The following TESK2 variants were observed in gnomAD, a reference collection of about 807,000 sequenced individuals.
TESK2 encodes testis associated actin remodelling kinase 2.
In TESK2, 39 loss-of-function variants were observed where a neutral mutation model predicts 57.1. The observed-to-expected ratio is 0.68, with a 90% CI of 0.53 to 0.89. The LOEUF (loss-of-function observed/expected upper bound fraction) is 0.89. Among genes scored for constraint, TESK2 ranks in the 40% least tolerant of loss-of-function variants. TESK2 has a pLI of 0.00. For missense variants in TESK2, 646 were observed against 732.1 expected (o/e 0.88, Z 1.36); for synonymous variants, 249 against 267.9 (o/e 0.93, Z 0.69).
chr1:45,398,771 A>T (rs541179247), intron 3 of TESK2: 9 of 301,702 alleles, frequency 3.0e-5, no homozygotes, highest in Non-Finnish European at 5.9e-5. Context: ...GTTGGTTAAG[A>T]CTGTAACACT....
intron 3 of TESK2, among the ~76,000 whole-genome samples, chr1:45,407,086 AATT>A (rs1649876249): frequency 1.3e-5 from 2 of 152,174 alleles, no homozygotes; most frequent in South Asian, 2.1e-4. Flanking sequence ...ACATCGTTAA[AATT>A]ATTATTATTT....
At chr1:45,405,784 T>C (rs1379071421) in intron 3 of TESK2, among the ~76,000 whole-genome samples, 2 of 151,672 alleles carry the variant, frequency 1.3e-5, no homozygotes, top group Admixed American at 6.6e-5. Context: ...GGTGGGAGGA[T>C]GATTTTAGCC....
intron 5 of TESK2, among the ~76,000 whole-genome samples, chr1:45,348,581 T>C (rs1438328662): frequency 6.6e-6 from 1 of 152,236 alleles, no homozygotes; most frequent in East Asian, 1.9e-4. Flanking sequence ...TATGCACATA[T>C]CCTCATCCAA....
At chr1:45,486,782 T>TACACGCACAC (rs1553160297) in intron 1 of TESK2, among the ~76,000 whole-genome samples, 2 of 115,868 alleles carry the variant, frequency 1.7e-5, no homozygotes, top group Non-Finnish European at 3.3e-5. Context: ...CCTCCCAGCA[T>TACACGCACAC]ACACACACAC....
intron 1 of TESK2, among the ~76,000 whole-genome samples, chr1:45,477,270 G>T (rs1229078895): frequency 2.0e-5 from 3 of 151,464 alleles, no homozygotes; most frequent in Non-Finnish European, 4.4e-5. Context: ...AAATACAAAA[G>T]ATATAGTCAT....
intron 3 of TESK2, among the ~76,000 whole-genome samples, chr1:45,390,077 C>T (rs1649072701): frequency 1.3e-5 from 2 of 152,064 alleles, no homozygotes; most frequent in South Asian, 4.1e-4. Flanking sequence ...TCCACCTGTC[C>T]TTTTCCTCTG....
chr1:45,361,862 G>C (rs866476030), intron 4 of TESK2, among the ~76,000 whole-genome samples: 104 of 152,116 alleles, frequency 6.8e-4, no homozygotes, highest in African/African-American at 2.4e-3. Context: ...TCTTGGCCAG[G>C]CACAGTGGCT....
chr1:45,383,382 C>T (rs1648738726), intron 4 of TESK2, among the ~76,000 whole-genome samples: 1 of 152,132 alleles, frequency 6.6e-6, no homozygotes. Flanking sequence ...TTCATCACTA[C>T]CAGTCTATTA....
chr1:45,465,528 GAAAA>G (rs1485565291), intron 1 of TESK2, among the ~76,000 whole-genome samples: 3 of 151,842 alleles, frequency 2.0e-5, no homozygotes, highest in Non-Finnish European at 2.9e-5. Context: ...AAGAAAAAGA[GAAAA>G]AGAAAGAAAG....
At chr1:45,390,794 G>A (rs1292810638) in intron 3 of TESK2, among the ~76,000 whole-genome samples, 6 of 151,290 alleles carry the variant, frequency 4.0e-5, no homozygotes, top group South Asian at 2.1e-4. Context: ...TTATCATAGC[G>A]ATAGGGTCTC....
intron 4 of TESK2, among the ~76,000 whole-genome samples, chr1:45,384,233 C>G (rs1022163528): frequency 6.6e-6 from 1 of 152,194 alleles, no homozygotes; most frequent in Non-Finnish European, 1.5e-5. Flanking sequence ...GGTTTTCTAC[C>G]TACCTCACTA....
intron 1 of TESK2, among the ~76,000 whole-genome samples, chr1:45,465,451 T>TGGAAGGAAGGAAGGAA (rs61097907): frequency 9.6e-6 from 1 of 104,434 alleles, no homozygotes; most frequent in African/African-American, 3.4e-5. Flanking sequence ...AGAAAAGAGA[T>TGGAAGGAAGGAAGGAA]GGAAGGAAGG....
chr1:45,351,561 C>CT (rs1234541999), intron 5 of TESK2, among the ~76,000 whole-genome samples: 1 of 152,244 alleles, frequency 6.6e-6, no homozygotes, highest in Non-Finnish European at 1.5e-5. Flanking sequence ...GCATCTTCTT[C>CT]TCTCTGTCCT....
chr1:45,393,864 G>A (rs1199256754), intron 3 of TESK2, among the ~76,000 whole-genome samples: 4 of 151,992 alleles, frequency 2.6e-5, no homozygotes, highest in Admixed American at 6.6e-5. Flanking sequence ...AGAAAAGCAC[G>A]TAACATCAAC....
intron 4 of TESK2, among the ~76,000 whole-genome samples, chr1:45,376,425 G>T (rs1648430526): frequency 6.6e-6 from 1 of 151,150 alleles, no homozygotes; most frequent in Non-Finnish European, 1.5e-5. Flanking sequence ...CACCATGTTG[G>T]CCAGGCTGGT....
At chr1:45,451,023 T>C (rs1243800673) in intron 2 of TESK2, among the ~76,000 whole-genome samples, 6 of 152,146 alleles carry the variant, frequency 3.9e-5, no homozygotes, top group Non-Finnish European at 7.3e-5. Flanking sequence ...GAGAAAATAC[T>C]TGCAACATAC....
rs57487177 is a variant in TESK2 at position 45,369,099 on chromosome 1, G to C, written c.394-13650C>G. Among the ~76,000 whole-genome samples the C allele has an allele frequency of 7.3e-3, 1,114 of 152,222 alleles. 14 individuals are homozygous for C. The highest frequency in any genetic ancestry group is 0.025 in the African/African-American group (1,048 of 41,520). Reference sequence around the variant, plus strand: ...CCTATGATTATTCAACTAGTAAATAGTACAGCTTGGATTTGTATCCAAGCC... The same window carrying C: ...CCTATGATTATTCAACTAGTAAATACTACAGCTTGGATTTGTATCCAAGCC... On this transcript the variant is annotated intron_variant, in intron 4 of 10. Transcript: ENST00000372086.
chr1:45,395,688 C>T (rs1649328954), intron 3 of TESK2, among the ~76,000 whole-genome samples: 1 of 151,034 alleles, frequency 6.6e-6, no homozygotes, highest in South Asian at 2.1e-4. Flanking sequence ...CTCACTGCAA[C>T]CTTGAACTCC....
chr1:45,384,593 A>ATTTTTTTTTTATTTTTT (rs1648803081), intron 4 of TESK2, among the ~76,000 whole-genome samples: 1 of 70,862 alleles, frequency 1.4e-5, no homozygotes, highest in Non-Finnish European at 2.7e-5. Flanking sequence ...CTAATTATTA[A>ATTTTTTTTTTATTTTTT]TTTTTTTTTT....
Sources: gnomAD v4.1 joint callset for allele counts (sites outside exome capture counted in the v4.1 genomes callset) on GRCh38, gnomAD v4.1.1 for gene constraint, MANE v1.5 for transcripts, NCBI Gene and HGNC (gene_info 2026-07-23, HGNC 2026-07-21) for gene names.